AP1G1: variants seen among roughly 807,000 people sequenced by gnomAD.
The protein encoded by AP1G1 is adaptor related protein complex 1 subunit gamma 1.
In AP1G1, 7 loss-of-function variants were observed where a neutral mutation model predicts 108.3. That is an observed-to-expected ratio of 0.06 (90% confidence interval 0.04 to 0.12). The LOEUF (loss-of-function observed/expected upper bound fraction) is 0.12. Ranked by LOEUF, AP1G1 falls within the 10% of genes least tolerant of loss-of-function variation. The pLI is 1.00. For missense variants in AP1G1, 756 were observed against 1,010.7 expected (o/e 0.75, Z 3.42); for synonymous variants, 379 against 353.5 (o/e 1.07, Z -0.81).
At chr16:71,804,828 G>T (rs2032942833) in intron 1 of AP1G1, among the ~76,000 whole-genome samples, 1 of 151,946 alleles carries the variant, frequency 6.6e-6, no homozygotes, top group Non-Finnish European at 1.5e-5. Flanking sequence ...ACCAGCCTGG[G>T]CAACATGGCG....
rs78685390 is a variant in AP1G1, at chr16:71,746,385, G to C, written c.1730+203C>G. On this transcript the variant is annotated intron_variant, in intron 17 of 22. Coordinates refer to ENST00000299980, the MANE Select transcript of AP1G1 (RefSeq NM_001128.6). ...AAAAAAAGTGTAAGTGTTGGAGGTGGAATGAAAGAGAGTTAATTTATTTCT... is the reference window on the plus strand; with the variant it reads ...AAAAAAAGTGTAAGTGTTGGAGGTGCAATGAAAGAGAGTTAATTTATTTCT... Among the ~76,000 whole-genome samples, 689 of 152,324 alleles carry C rather than the reference G, an allele frequency of 4.5e-3. 2 individuals are homozygous for C. The highest frequency in any genetic ancestry group is 7.1e-3 in the Non-Finnish European group (485 of 68,030).
In AP1G1 at chr16:71,793,086, C is replaced by A. The variant is rs111399253; in HGVS notation, c.-3-3604G>T. Among the ~76,000 whole-genome samples, 1,069 of 151,818 alleles carry A rather than the reference C, an allele frequency of 7.0e-3. 24 individuals are homozygous for A. Among genetic ancestry groups the A allele is most frequent in the African/African-American group, 0.025 (1,017 of 41,394 alleles). ...TGGGAGGCTGAGGTGGGAGGATGACCTGAGCCTAGGAGTGAGGCTGCAGTG... is the reference window on the plus strand; with the variant it reads ...TGGGAGGCTGAGGTGGGAGGATGACATGAGCCTAGGAGTGAGGCTGCAGTG... On this transcript the variant is annotated intron_variant, in intron 1 of 22. Transcript: ENST00000299980.
At chr16:71,737,467 TA>T (rs1225496432) in intron 21 of AP1G1, among the ~76,000 whole-genome samples, 1 of 152,154 alleles carries the variant, frequency 6.6e-6, no homozygotes, top group Non-Finnish European at 1.5e-5. Flanking sequence ...GTATTTTTGG[TA>T]AAGATGGTGT....
chr16:71,805,276 C>T (rs562159372), intron 1 of AP1G1, among the ~76,000 whole-genome samples: 2 of 152,040 alleles, frequency 1.3e-5, no homozygotes, highest in Admixed American at 1.3e-4. Context: ...GGTGAAACCC[C>T]GCCTCTACTA....
At position 71,730,555 on chromosome 16, in the gene AP1G1, A is replaced by G. The variant is rs990450698; in HGVS notation, c.*2503T>C. On this transcript the variant is annotated 3_prime_UTR_variant, in exon 23 of 23. Transcript: ENST00000299980. The stretch of plus-strand genomic sequence containing the variant: ...AATGTGCAAGTATTCAAAGAAATTG[A>G]AACATTTCTCCATTTAGCTGCAAGG... 3 of 152,642 alleles carry G rather than the reference A, an allele frequency of 2.0e-5. No individual in the cohort carries two copies. Among genetic ancestry groups the G allele is most frequent in the African/African-American group, 7.2e-5 (3 of 41,462 alleles). 9.5% of individuals were successfully genotyped at this position (152,642 alleles called of 1,614,324 possible). A position where few individuals can be genotyped will look rare whatever the true frequency, so the allele number is the denominator to read the frequency against.
At chr16:71,778,549 G>A (rs1035737556) in intron 2 of AP1G1, among the ~76,000 whole-genome samples, 3 of 152,022 alleles carry the variant, frequency 2.0e-5, no homozygotes, top group Admixed American at 6.6e-5. Context: ...CAGGCGTAGC[G>A]GCGTGAGCCT....
At chr16:71,739,570 G>A (rs1183601066) in intron 19 of AP1G1, among the ~76,000 whole-genome samples, 2 of 151,798 alleles carry the variant, frequency 1.3e-5, no homozygotes, top group Middle Eastern at 3.2e-3. Context: ...GCAACATGGC[G>A]AGACCCTGTC....
At chr16:71,769,749 T>A in intron 5 of AP1G1, 50 bp from the exon 6 acceptor site, 1 of 1,481,720 alleles carries the variant, frequency 6.7e-7, no homozygotes, top group Non-Finnish European at 9.4e-7. Context: ...ATTATTCAAT[T>A]TTATAGAACA....
intron 17 of AP1G1, 93 bp from the exon 18 acceptor site, chr16:71,745,707 A>T: frequency 9.5e-7 from 1 of 1,048,130 alleles, no homozygotes; most frequent in Admixed American, 1.7e-5. Flanking sequence ...CCAAGCATGG[A>T]GATCTATCTC....
intron 2 of AP1G1, among the ~76,000 whole-genome samples, chr16:71,780,883 G>T (rs1397472884): frequency 6.7e-6 from 1 of 149,408 alleles, no homozygotes; most frequent in Non-Finnish European, 1.5e-5. Context: ...GGGTTTCACC[G>T]TATTGCCCTG....
chr16:71,799,987 G>A (rs1050172750), intron 1 of AP1G1, among the ~76,000 whole-genome samples: 9 of 151,140 alleles, frequency 6.0e-5, no homozygotes, highest in Admixed American at 2.6e-4. Context: ...TTGGGAGGCC[G>A]ATGCAGGCAG....
chr16:71,794,649 A>C (rs377766960), intron 1 of AP1G1, among the ~76,000 whole-genome samples: 3 of 152,156 alleles, frequency 2.0e-5, no homozygotes, highest in African/African-American at 7.2e-5. Context: ...CCAAAGAATC[A>C]AAATTATAAA....
intron 1 of AP1G1, chr16:71,806,733 A>C: frequency 7.8e-7 from 1 of 1,287,032 alleles, no homozygotes; most frequent in Non-Finnish European, 1.0e-6. Flanking sequence ...CAGTTCCTTT[A>C]AACCAAAAGA....
At chr16:71,735,190 T>C (rs2045518035) in intron 21 of AP1G1, among the ~76,000 whole-genome samples, 1 of 152,198 alleles carries the variant, frequency 6.6e-6, no homozygotes, top group African/African-American at 2.4e-5. Flanking sequence ...ATGCAGAGAC[T>C]TGAACTTTTG....
intron 13 of AP1G1, 77 bp from the exon 14 acceptor site, chr16:71,750,409 G>A: frequency 6.5e-7 from 1 of 1,547,282 alleles, no homozygotes; most frequent in African/African-American, 1.4e-5. Flanking sequence ...TATTATTACT[G>A]TGTGTTTTTT....
intron 1 of AP1G1, among the ~76,000 whole-genome samples, chr16:71,801,359 A>G (rs1340731787): frequency 6.6e-6 from 1 of 151,648 alleles, no homozygotes; most frequent in African/African-American, 2.4e-5. Context: ...CGTGTCATAG[A>G]GTAATATAAA....
chr16:71,789,515 C>A, intron 1 of AP1G1, 33 bp from the exon 2 acceptor site: 1 of 1,591,928 alleles, frequency 6.3e-7, no homozygotes, highest in South Asian at 1.1e-5. Flanking sequence ...TAGAGATGTT[C>A]ACATTTTTTA....
At chr16:71,807,865 A>C (rs538824585) in intron 1 of AP1G1, 1 of 1,288,190 alleles carries the variant, frequency 7.8e-7, no homozygotes, top group Non-Finnish European at 1.0e-6. Context: ...AGGGGAGAAA[A>C]AAAAATACCA....
chr16:71,769,651 C>G lies in AP1G1; in HGVS notation c.614G>C (p.Ser205Thr). ...TCTGAAATGCGCAAGCATGTCTGGG[C>G]TTCGCTCACACATTTCTGTGAGGAG... ...VVLLTEMCER[S>T]PDMLAHFRKL... Residue 205 changes from serine (S) to threonine (T), a missense_variant, in exon 6 of 23, where the codon AGC becomes ACC. Transcript: ENST00000299980. 1.2e-6 allele frequency: 2 copies of G among 1,613,716 alleles called. No homozygotes were observed. The highest frequency in any genetic ancestry group is 1.7e-6 in the Non-Finnish European group (2 of 1,179,744).
Sources: allele counts gnomAD v4.1 joint callset (sites outside exome capture counted in the v4.1 genomes callset), GRCh38; gene constraint gnomAD v4.1.1; transcripts MANE v1.5; gene names NCBI Gene and HGNC (gene_info 2026-07-23, HGNC 2026-07-21).